Variants in COLGALT1 observed in about 807,000 individuals in gnomAD.
COLGALT1 encodes the protein collagen beta(1-O)galactosyltransferase 1, also known as procollagen galactosyltransferase 1.
COLGALT1 carries 43 observed loss-of-function variants against 60.8 expected under a neutral mutation model. That is an observed-to-expected ratio of 0.71 (90% CI 0.55 to 0.91). The LOEUF (loss-of-function observed/expected upper bound fraction) is 0.91, where lower values mean the gene tolerates loss of function less well. Ranked by LOEUF, COLGALT1 falls within the 40% of genes least tolerant of loss-of-function variation. COLGALT1 has a pLI of 0.00. For missense variants in COLGALT1, 845 were observed against 880.0 expected (o/e 0.96, Z 0.50); for synonymous variants, 369 against 374.2 (o/e 0.99, Z 0.16).
intron 9 of COLGALT1, among the ~76,000 whole-genome samples, chr19:17,578,928 T>A (rs948728960): frequency 3.3e-5 from 5 of 152,092 alleles, no homozygotes; most frequent in Non-Finnish European, 2.9e-5. Flanking sequence ...GAGAATCACT[T>A]GAACCCAGGA....
chr19:17,560,097 G>GCTTC (rs1449472733), intron 2 of COLGALT1, among the ~76,000 whole-genome samples: 1 of 152,124 alleles, frequency 6.6e-6, no homozygotes, highest in Non-Finnish European at 1.5e-5. Context: ...ACCCCACTGA[G>GCTTC]CTTCCTTCCT....
At chr19:17,573,015 G>A (rs1169197578) in intron 6 of COLGALT1, among the ~76,000 whole-genome samples, 1 of 152,134 alleles carries the variant, frequency 6.6e-6, no homozygotes, top group Non-Finnish European at 1.5e-5. Flanking sequence ...CAGAGACCAG[G>A]CTGAGGAAGG....
intron 10 of COLGALT1, 179 bp from the exon 11 acceptor site, chr19:17,580,517 TCTC>T (rs984134117): frequency 1.6e-6 from 1 of 624,760 alleles, no homozygotes; most frequent in African/African-American, 1.9e-5. Flanking sequence ...AACTCACTCT[TCTC>T]CCCCATGACC....
intron 11 of COLGALT1, 74 bp from the exon 12 acceptor site, chr19:17,581,103 C>T (rs1186772647): frequency 2.6e-6 from 4 of 1,535,182 alleles, no homozygotes; most frequent in African/African-American, 1.4e-5. Flanking sequence ...GACTTCTTCA[C>T]CCCCAATTTT....
At chr19:17,560,244 CCCT>C (rs2076240241) in intron 2 of COLGALT1, 101 bp from the exon 3 acceptor site, 2 of 797,218 alleles carry the variant, frequency 2.5e-6, no homozygotes, top group Non-Finnish European at 4.2e-6. Flanking sequence ...CTTACACGTC[CCCT>C]CCTCCAGGAA....
intron 6 of COLGALT1, 157 bp from the exon 7 acceptor site, chr19:17,577,038 G>C: frequency 1.8e-6 from 1 of 551,792 alleles, no homozygotes; most frequent in Non-Finnish European, 3.2e-6. Flanking sequence ...TGACATGGGA[G>C]GGGCTCCTAG....
chr19:17,579,304 C>T (rs2076363990), intron 9 of COLGALT1, among the ~76,000 whole-genome samples, 178 bp from the exon 10 acceptor site: 1 of 151,174 alleles, frequency 6.6e-6, no homozygotes, highest in South Asian at 2.1e-4. Flanking sequence ...TTCTGAGATC[C>T]ATTATGGACG....
At chr19:17,577,851 A>G in intron 8 of COLGALT1, 106 bp from the exon 9 acceptor site, 1 of 1,450,262 alleles carries the variant, frequency 6.9e-7, no homozygotes, top group Non-Finnish European at 9.3e-7. Context: ...GTGCTACAAG[A>G]GGTGGACCAG....
chr19:17,579,309 T>C (rs903824299), intron 9 of COLGALT1, among the ~76,000 whole-genome samples, 173 bp from the exon 10 acceptor site: 1 of 151,644 alleles, frequency 6.6e-6, no homozygotes, highest in Admixed American at 6.6e-5. Flanking sequence ...AGATCCATTA[T>C]GGACGGCAGA....
rs1215928593 is a variant in COLGALT1, at chr19:17,580,913, G to C, written c.1601+8G>C. On this transcript the variant is annotated splice_region_variant and intron_variant, in intron 11 of 11. Transcript: ENST00000252599. ...GTTCGACAAACACCCAGTGTGAGAG[G>C]GGCAGGCGGCTGCTGGGCTGGGGTT... The C allele has an allele frequency of 1.2e-6, 2 of 1,613,180 alleles. No homozygotes were observed. The highest frequency in any genetic ancestry group is 1.7e-6 in the Non-Finnish European group (2 of 1,179,974).
chr19:17,583,125 A>G lies in COLGALT1; in HGVS notation c.*1681A>G, dbSNP rs1309678486. On this transcript the variant is annotated 3_prime_UTR_variant, in exon 12 of 12. Coordinates refer to ENST00000252599, the MANE Select transcript of COLGALT1 (RefSeq NM_024656.4). The stretch of plus-strand genomic sequence containing the variant: ...TCACCCTCTTGGGGATAACTTGCTT[A>G]GTTTTTTAATAAATGTTCCTGGTTG... 6.6e-6 allele frequency: 1 copy of G among 152,236 alleles called. No individual in the cohort carries two copies. The highest frequency in any genetic ancestry group is 1.9e-4 in the East Asian group (1 of 5,196). 9.4% of individuals were successfully genotyped at this position (152,236 alleles called of 1,614,324 possible). A position where few individuals can be genotyped will look rare whatever the true frequency, so the allele number is the denominator to read the frequency against.
At chr19:17,580,636 C>A in intron 10 of COLGALT1, 63 bp from the exon 11 acceptor site, 1 of 1,566,460 alleles carries the variant, frequency 6.4e-7, no homozygotes, top group Non-Finnish European at 8.7e-7. Flanking sequence ...AGATCCCTGG[C>A]TTTCTGGGCA....
At chr19:17,580,960 A>G in intron 11 of COLGALT1, 55 bp downstream of exon 11, 5 of 1,592,480 alleles carry the variant, frequency 3.1e-6, no homozygotes, top group Non-Finnish European at 4.3e-6. Context: ...CTGTCCTGGG[A>G]GAATGGGGAT....
At position 17,581,909 on chromosome 19, in the gene COLGALT1, A is replaced by ATTT. The variant is rs34244232; in HGVS notation, c.*482_*484dup. On this transcript the variant is annotated 3_prime_UTR_variant, in exon 12 of 12. Coordinates refer to ENST00000252599, the MANE Select transcript of COLGALT1 (RefSeq NM_024656.4). Reference sequence around the variant, plus strand: ...GTTGGGTGCCATTCCAGGCTCTGGGATTTTTTTTTTTTTTTTTTTAAGAGT... The same window carrying ATTT: ...GTTGGGTGCCATTCCAGGCTCTGGGATTTTTTTTTTTTTTTTTTTTTTAAGAGT... The ATTT allele has an allele frequency of 3.2e-3, 449 of 140,252 alleles. 1 individual carries two copies. The highest frequency in any genetic ancestry group is 7.4e-3 in the Middle Eastern group (2 of 270). 8.7% of individuals were successfully genotyped at this position (140,252 alleles called of 1,614,324 possible). A position where few individuals can be genotyped will look rare whatever the true frequency, so the allele number is the denominator to read the frequency against.
intron 6 of COLGALT1, 191 bp from the exon 7 acceptor site, chr19:17,577,004 T>TGGGGGCGGGGGGAAGCTGGGGGC: frequency 3.3e-6 from 1 of 307,172 alleles, no homozygotes; most frequent in South Asian, 3.7e-5. Context: ...GGCCAGGGCT[T>TGGGGGCGGGGGGAAGCTGGGGGC]TGGGCTGCTG....
rs184649557 is a variant in COLGALT1, at chr19:17,577,944, T to C, written c.1134-13T>C. ...GTGAACCTTCTTCGTGACCCTCTCC[T>C]CCTCCTCTCCAGAGCCATGAACACC... On this transcript the variant is annotated splice_polypyrimidine_tract_variant and intron_variant, in intron 8 of 11. Transcript: ENST00000252599. The C allele has an allele frequency of 8.8e-6, 14 of 1,596,664 alleles. No homozygotes were observed. The highest frequency in any genetic ancestry group is 1.2e-5 in the Non-Finnish European group (14 of 1,169,830).
rs185359013 is a variant in COLGALT1, at chr19:17,566,703, G to T, written c.490-703G>T. ...TCAGCTACTTGAGAGGCTGAGATGA[G>T]AGGATCACTTGAGCCCAGAAACTCC... On this transcript the variant is annotated intron_variant, in intron 3 of 11. Coordinates refer to ENST00000252599, the MANE Select transcript of COLGALT1 (RefSeq NM_024656.4). Among the ~76,000 whole-genome samples the T allele has an allele frequency of 1.4e-3, 207 of 152,204 alleles. 4 individuals are homozygous for T. Among genetic ancestry groups the T allele is most frequent in the South Asian group, 1.5e-3 (7 of 4,820 alleles).
chr19:17,578,036 C>G lies in COLGALT1; in HGVS notation c.1213C>G (p.Leu405Val). The G allele has an allele frequency of 6.2e-7, 1 of 1,612,822 alleles. No homozygotes were observed. The highest frequency in any genetic ancestry group is 8.5e-7 in the Non-Finnish European group (1 of 1,179,636). ...GYRDPYHGRP[L>V]TKGELGCFLS... ...CCGGGACCCCTACCACGGCCGGCCC[C>G]TCACCAAGGGTGAGCTGGGCTGCTT... The change falls in exon 9 of 12, where the codon CTC becomes GTC. Residue 405 changes from leucine (L) to valine (V), a missense_variant. Physicochemically the swap from Leu to Val is conservative, Grantham distance 32. Transcript: ENST00000252599.
Position 17,560,397 on chromosome 19 carries a change from G to A in COLGALT1, c.421G>A (p.Glu141Lys), listed in dbSNP as rs2076241664. 1.9e-6 allele frequency: 3 copies of A among 1,614,036 alleles called. No individual in the cohort carries two copies. The highest frequency in any genetic ancestry group is 2.7e-5 in the African/African-American group (2 of 74,918). Residue 141 changes from glutamate (E) to lysine (K), a missense_variant, in exon 3 of 12, where the codon GAG (glutamate) becomes AAG (lysine). Transcript: ENST00000252599. Reference sequence around the variant, plus strand: ...GAAACACTGGTCTGACTCACGCTACGAGCATGTCATGAAGTTGCGCCAGGC... The same window carrying A: ...GAAACACTGGTCTGACTCACGCTACAAGCATGTCATGAAGTTGCGCCAGGC... ...GPKHWSDSRYEHVMKLRQAAL... is the reference protein window; with the variant it reads ...GPKHWSDSRYKHVMKLRQAAL...
Sources: allele counts gnomAD v4.1 joint callset (sites outside exome capture counted in the v4.1 genomes callset), GRCh38; gene constraint gnomAD v4.1.1; transcripts MANE v1.5; gene names NCBI Gene and HGNC (gene_info 2026-07-23, HGNC 2026-07-21).